Variants in CDH13 observed in about 807,000 individuals in gnomAD.
CDH13 encodes the protein cadherin 13.
Under a neutral mutation model 63.8 loss-of-function variants are expected in CDH13, and 24 were observed. The observed-to-expected ratio is 0.38, with a 90% CI of 0.27 to 0.53. The LOEUF (loss-of-function observed/expected upper bound fraction) is 0.53. CDH13 is among the 20% of genes least tolerant of loss of function. CDH13 has a pLI of 0.85. For missense variants in CDH13, 1,049 were observed against 903.1 expected, an observed-to-expected ratio of 1.16 and a Z score of -2.07; for synonymous variants, 503 against 355.3, an observed-to-expected ratio of 1.42 and a Z score of -4.67.
chr16:83,537,639 T>C (rs1234790822), intron 7 of CDH13, among the ~76,000 whole-genome samples: 1 of 108,388 alleles, frequency 9.2e-6, no homozygotes, highest in Non-Finnish European at 2.1e-5. Context: ...CATTATTTGT[T>C]CTACAGGAAA....
chr16:83,189,409 T>C (rs963782494), intron 4 of CDH13, among the ~76,000 whole-genome samples: 10 of 152,228 alleles, frequency 6.6e-5, no homozygotes, highest in African/African-American at 2.2e-4. Flanking sequence ...TCTGGTTCTT[T>C]CTTTTTCTGA....
intron 2 of CDH13, among the ~76,000 whole-genome samples, chr16:82,976,550 G>A (rs1309287862): frequency 2.6e-5 from 4 of 152,108 alleles, no homozygotes; most frequent in Non-Finnish European, 5.9e-5. Flanking sequence ...AGTGCTCCAT[G>A]TGCATTAGAT....
chr16:83,357,422 T>A (rs2091076919), intron 6 of CDH13, among the ~76,000 whole-genome samples: 1 of 152,156 alleles, frequency 6.6e-6, no homozygotes, highest in Non-Finnish European at 1.5e-5. Flanking sequence ...CTGCGTAGAT[T>A]TTCACTAGCT....
chr16:83,067,926 A>G (rs930116837), intron 3 of CDH13, among the ~76,000 whole-genome samples: 18 of 152,204 alleles, frequency 1.2e-4, no homozygotes, highest in Admixed American at 1.3e-4. Context: ...AGGAGGACCT[A>G]TGAAAAATAT....
intron 11 of CDH13, among the ~76,000 whole-genome samples, chr16:83,752,953 T>A (rs1200326070): frequency 6.6e-6 from 1 of 152,220 alleles, no homozygotes; most frequent in East Asian, 1.9e-4. Flanking sequence ...TGTCTAACTC[T>A]GTTAACGCTA....
intron 4 of CDH13, among the ~76,000 whole-genome samples, chr16:83,208,331 G>T (rs2039241059): frequency 6.6e-6 from 1 of 152,164 alleles, no homozygotes; most frequent in Non-Finnish European, 1.5e-5. Context: ...ACTGCTGAAT[G>T]GCTGTGTCTT....
intron 7 of CDH13, among the ~76,000 whole-genome samples, chr16:83,487,482 C>T (rs2073916787): frequency 6.6e-6 from 1 of 152,176 alleles, no homozygotes; most frequent in Non-Finnish European, 1.5e-5. Flanking sequence ...GATTACGTTT[C>T]CACGTGCATG....
chr16:83,399,713 AC>A (rs1435305508), intron 6 of CDH13, among the ~76,000 whole-genome samples: 1 of 152,070 alleles, frequency 6.6e-6, no homozygotes, highest in East Asian at 1.9e-4. Flanking sequence ...CTTGAAAGCC[AC>A]CATGTTGTGA....
intron 8 of CDH13, among the ~76,000 whole-genome samples, chr16:83,661,212 C>G (rs1300327037): frequency 6.6e-5 from 10 of 152,302 alleles, no homozygotes; most frequent in East Asian, 1.9e-4. Flanking sequence ...TCTTGCTGGA[C>G]TCAGTGGCTC....
chr16:82,635,196 G>T (rs1908505529), intron 1 of CDH13, among the ~76,000 whole-genome samples: 1 of 152,194 alleles, frequency 6.6e-6, no homozygotes, highest in African/African-American at 2.4e-5. Flanking sequence ...TTAGAACAGT[G>T]CCTGGCACAT....
chr16:83,215,134 T>A (rs1475648163), intron 4 of CDH13, among the ~76,000 whole-genome samples: 1 of 122,928 alleles, frequency 8.1e-6, no homozygotes, highest in African/African-American at 3.1e-5. Flanking sequence ...TAGAGTGCAG[T>A]GGAGCAATCC....
intron 8 of CDH13, among the ~76,000 whole-genome samples, chr16:83,667,087 TGATG>T (rs5818464): frequency 0.32 from 45,922 of 144,578 alleles, 7,093 homozygotes; most frequent in Middle Eastern, 0.36. Context: ...GATAGATGGA[TGATG>T]GATGGATGGA....
chr16:82,737,905 C>T (rs933100699), intron 1 of CDH13, among the ~76,000 whole-genome samples: 1 of 152,230 alleles, frequency 6.6e-6, no homozygotes, highest in African/African-American at 2.4e-5. Flanking sequence ...ATAATCAAGG[C>T]TTCCAATATC....
At chr16:83,328,654 G>T (rs1337558498) in intron 5 of CDH13, among the ~76,000 whole-genome samples, 1 of 152,170 alleles carries the variant, frequency 6.6e-6, no homozygotes, top group East Asian at 1.9e-4. Flanking sequence ...GAGATGGTCA[G>T]GTTCAGGTTG....
intron 1 of CDH13, among the ~76,000 whole-genome samples, chr16:82,850,825 A>G (rs2039452031): frequency 6.6e-6 from 1 of 152,276 alleles, no homozygotes; most frequent in African/African-American, 2.4e-5. Flanking sequence ...TTGAAGGCTC[A>G]GAGATCATTA....
At chr16:83,650,904 C>G (rs1192693623) in intron 8 of CDH13, among the ~76,000 whole-genome samples, 1 of 151,544 alleles carries the variant, frequency 6.6e-6, no homozygotes, top group Non-Finnish European at 1.5e-5. Context: ...GAGACCCTGT[C>G]TCTATAAAAA....
intron 2 of CDH13, among the ~76,000 whole-genome samples, chr16:83,019,500 T>C (rs977207814): frequency 3.3e-5 from 5 of 150,096 alleles, no homozygotes; most frequent in Non-Finnish European, 5.9e-5. Flanking sequence ...ATTTTCTTTT[T>C]TTTTTTTTTT....
intron 2 of CDH13, chr16:82,884,432 T>A (rs2040813094): frequency 3.2e-6 from 1 of 311,508 alleles, no homozygotes; most frequent in Non-Finnish European, 6.4e-6. Flanking sequence ...CAAAGCAAGA[T>A]GCTTAGTTAA....
chr16:83,786,887 T>C (rs459005), intron 13 of CDH13, among the ~76,000 whole-genome samples: 83,962 of 152,050 alleles, frequency 0.55, 23,774 homozygotes, highest in African/African-American at 0.61. Flanking sequence ...CACACCCAGC[T>C]CCTTCCTTTC....
Sources: allele counts gnomAD v4.1 joint callset (sites outside exome capture counted in the v4.1 genomes callset), GRCh38; gene constraint gnomAD v4.1.1; transcripts MANE v1.5; gene names NCBI Gene and HGNC (gene_info 2026-07-23, HGNC 2026-07-21).